PRKN: variants seen among roughly 807,000 people sequenced by gnomAD.
PRKN encodes parkin RBR E3 ubiquitin protein ligase.
Under a neutral mutation model 59.5 loss-of-function variants are expected in PRKN, and 56 were observed. The observed-to-expected ratio is 0.94, with a 90% CI of 0.76 to 1.18. PRKN has a LOEUF of 1.18. PRKN is among the 50% of genes most tolerant of loss of function. The probability of loss-of-function intolerance (pLI) is 0.00; values close to 1 mark genes in which losing one functional copy is unlikely to be tolerated. For synonymous variants in PRKN, 250 were observed against 222.1 expected (o/e 1.13, Z -1.12); for missense variants, 657 against 596.4 (o/e 1.10, Z -1.06).
At chr6:161,868,640 G>T (rs550834890) in intron 6 of PRKN, among the ~76,000 whole-genome samples, 1 of 152,276 alleles carries the variant, frequency 6.6e-6, no homozygotes, top group African/African-American at 2.4e-5. Context: ...TGTCCTTAAA[G>T]CACAGGCTGT....
At chr6:162,475,394 A>G (rs1165742798) in intron 1 of PRKN, among the ~76,000 whole-genome samples, 2 of 152,254 alleles carry the variant, frequency 1.3e-5, no homozygotes, top group Non-Finnish European at 2.9e-5. Flanking sequence ...CCAATCTTGG[A>G]AAGAACGAGA....
intron 6 of PRKN, among the ~76,000 whole-genome samples, chr6:161,911,087 T>C (rs1420668339): frequency 2.6e-5 from 4 of 152,194 alleles, no homozygotes; most frequent in African/African-American, 9.6e-5. Flanking sequence ...GGTATACCCA[T>C]ATTTAAATAG....
Position 161,552,927 on chromosome 6 carries a change from A to C in PRKN, c.934-3924T>G, listed in dbSNP as rs906543850. The stretch of plus-strand genomic sequence containing the variant: ...TGCCTCAGCCTCCCGAGTAGCTGGG[A>C]CTACAGGTGTGTACCACCACACCCA... On this transcript the variant is annotated intron_variant, in intron 8 of 11. Coordinates refer to ENST00000366898, the MANE Select transcript of PRKN (RefSeq NM_004562.3). The surrounding 1 kb of genome is among the most constrained non-coding windows in gnomAD (Gnocchi z 4.9). Among the ~76,000 whole-genome samples the C allele has an allele frequency of 6.6e-6, 1 of 151,718 alleles. No individual in the cohort carries two copies. The highest frequency in any genetic ancestry group is 6.6e-5 in the Admixed American group (1 of 15,216).
chr6:161,854,088 A>G (rs995404244), intron 6 of PRKN, among the ~76,000 whole-genome samples: 2 of 150,468 alleles, frequency 1.3e-5, no homozygotes, highest in Admixed American at 6.6e-5. Context: ...TCTACATAAA[A>G]AAAAAAAAAA....
chr6:162,379,130 G>T (rs1281958747), intron 2 of PRKN, among the ~76,000 whole-genome samples: 1 of 152,198 alleles, frequency 6.6e-6, no homozygotes, highest in African/African-American at 2.4e-5. Flanking sequence ...TCTCTCAGAG[G>T]TCTAAACATC....
intron 5 of PRKN, among the ~76,000 whole-genome samples, chr6:162,009,362 G>T (rs1424629134): frequency 1.1e-4 from 14 of 125,492 alleles, no homozygotes; most frequent in Admixed American, 9.7e-4. Context: ...TCAAAGCAAT[G>T]AATTCCCAGA....
intron 2 of PRKN, among the ~76,000 whole-genome samples, chr6:162,416,659 A>G (rs1391747030): frequency 6.6e-6 from 1 of 152,196 alleles, no homozygotes; most frequent in Admixed American, 6.5e-5. Context: ...TAGTTAAATA[A>G]AAAGTATATT....
chr6:161,883,551 C>G (rs1455349116), intron 6 of PRKN, among the ~76,000 whole-genome samples: 2 of 152,076 alleles, frequency 1.3e-5, no homozygotes, highest in Non-Finnish European at 2.9e-5. Context: ...AAACACAACA[C>G]TGCAGACTGG....
intron 8 of PRKN, among the ~76,000 whole-genome samples, chr6:161,564,750 T>C (rs990407529): frequency 6.6e-6 from 1 of 152,166 alleles, no homozygotes; most frequent in African/African-American, 2.4e-5. Context: ...CTCTCATTTC[T>C]CAAATCTTCA....
At chr6:162,317,687 C>A (rs183381005) in intron 2 of PRKN, among the ~76,000 whole-genome samples, 3 of 151,994 alleles carry the variant, frequency 2.0e-5, no homozygotes, top group Admixed American at 1.3e-4. Context: ...AGGATAGTGT[C>A]CTATTTCAAC....
At chr6:162,550,129 T>C (rs112147340) in intron 1 of PRKN, among the ~76,000 whole-genome samples, 16 of 152,166 alleles carry the variant, frequency 1.1e-4, no homozygotes, top group African/African-American at 3.6e-4. Context: ...GTTACTCCAG[T>C]GATCAAGGTA....
intron 6 of PRKN, among the ~76,000 whole-genome samples, chr6:161,914,953 A>T (rs1778500304): frequency 6.6e-6 from 1 of 152,130 alleles, no homozygotes; most frequent in African/African-American, 2.4e-5. Context: ...ATGGGAGAAA[A>T]GTAGGCAGAT....
In PRKN at chr6:162,670,685, T is replaced by C. The variant is rs900281303; in HGVS notation, c.7+56977A>G. ...CCACCTAAGCTTCCTGCTTCAACAA[T>C]GTGGGTTTTATGGAAGAAAAACAAG... On this transcript the variant is annotated intron_variant, in intron 1 of 11. Coordinates refer to ENST00000366898, the MANE Select transcript of PRKN (RefSeq NM_004562.3). Among the ~76,000 whole-genome samples, 3 of 152,156 alleles carry C rather than the reference T, an allele frequency of 2.0e-5. No homozygotes were observed. In the East Asian group the frequency reaches 5.8e-4, roughly 29 times the overall value.
At chr6:161,697,271 A>C (rs2128177745) in intron 7 of PRKN, among the ~76,000 whole-genome samples, 1 of 152,312 alleles carries the variant, frequency 6.6e-6, no homozygotes, top group African/African-American at 2.4e-5. Context: ...GATATTTGTA[A>C]TCTCTAACTT....
At chr6:162,438,650 T>C (rs1789898026) in intron 2 of PRKN, among the ~76,000 whole-genome samples, 1 of 152,214 alleles carries the variant, frequency 6.6e-6, no homozygotes, top group Non-Finnish European at 1.5e-5. Context: ...AGAAATCCAC[T>C]GTAATTAGAA....
At chr6:161,879,335 T>G (rs1454178323) in intron 6 of PRKN, among the ~76,000 whole-genome samples, 2 of 148,136 alleles carry the variant, frequency 1.4e-5, no homozygotes, top group Admixed American at 1.4e-4. Context: ...ATTATGACAT[T>G]TCTGCCTTTT....
chr6:161,977,876 G>C (rs77487162), intron 5 of PRKN, among the ~76,000 whole-genome samples: 2 of 151,800 alleles, frequency 1.3e-5, no homozygotes, highest in Non-Finnish European at 2.9e-5. Flanking sequence ...AAGGTCATTT[G>C]CTCTAAAACT....
chr6:162,723,005 A>G (rs1463115003), intron 1 of PRKN, among the ~76,000 whole-genome samples: 1 of 152,232 alleles, frequency 6.6e-6, no homozygotes, highest in African/African-American at 2.4e-5. Flanking sequence ...GTTTTCATCA[A>G]CTTATCAAAA....
At chr6:161,375,081 C>A (rs1446321969) in intron 10 of PRKN, among the ~76,000 whole-genome samples, 3 of 151,758 alleles carry the variant, frequency 2.0e-5, no homozygotes, top group African/African-American at 7.3e-5. Context: ...TGAGTGAGCT[C>A]AGGGGACCCG....
Sources: gnomAD v4.1 joint callset for allele counts (sites outside exome capture counted in the v4.1 genomes callset) on GRCh38, gnomAD v4.1.1 for gene constraint, Gnocchi (gnomAD v3.1) non-coding constraint, MANE v1.5 for transcripts, NCBI Gene and HGNC (gene_info 2026-07-23, HGNC 2026-07-21) for gene names.